FOXN3: variants seen among roughly 807,000 people sequenced by gnomAD.
The protein encoded by FOXN3 is forkhead box N3.
In FOXN3, 7 loss-of-function variants were observed where a neutral mutation model predicts 38.4. The ratio of observed to expected loss-of-function variants is 0.18; its 90% CI spans 0.10 to 0.34. The LOEUF is 0.34. FOXN3 is among the 10% of genes least tolerant of loss of function. FOXN3 has a pLI of 1.00. For synonymous variants in FOXN3, 230 were observed against 242.2 expected, an observed-to-expected ratio of 0.95 and a Z score of 0.47; for missense variants, 456 against 613.4, an observed-to-expected ratio of 0.74 and a Z score of 2.71.
rs1337723322 is a variant in FOXN3 at position 89,347,885 on chromosome 14, C to T, written c.680+2787G>A. 5.3e-5 allele frequency among the ~76,000 whole-genome samples: 8 copies of T among 151,900 alleles called. No homozygotes were observed. The South Asian group carries it at 8.3e-4, about 16-fold the overall frequency. On this transcript the variant is annotated intron_variant, in intron 3 of 5. Coordinates refer to ENST00000557258, the MANE Select transcript of FOXN3 (RefSeq NM_005197.4). ...AGAAGAATCCCTTGAACCCAGGAGG[C>T]GGAGGTTGCAGTGAGCCAAGATTGC...
At chr14:89,505,987 G>A (rs1221122827) in intron 1 of FOXN3, among the ~76,000 whole-genome samples, 4 of 149,364 alleles carry the variant, frequency 2.7e-5, no homozygotes, top group Admixed American at 1.3e-4. Context: ...AGTGAGGAGC[G>A]TCTCCGCCTG....
intron 1 of FOXN3, among the ~76,000 whole-genome samples, chr14:89,603,627 AGAGT>A (rs1388110161): frequency 6.6e-6 from 1 of 152,242 alleles, no homozygotes; most frequent in Non-Finnish European, 1.5e-5. Flanking sequence ...TAGTAATGGC[AGAGT>A]AAGTACCTGT....
At chr14:89,413,676 A>G (rs34049331) in intron 1 of FOXN3, among the ~76,000 whole-genome samples, 15 of 29,748 alleles carry the variant, frequency 5.0e-4, no homozygotes, top group East Asian at 1.2e-3. Flanking sequence ...GGAATGGAAG[A>G]GAAGGGGGAA....
intron 4 of FOXN3, among the ~76,000 whole-genome samples, chr14:89,210,440 T>G (rs1341910871): frequency 1.3e-5 from 2 of 152,214 alleles, no homozygotes; most frequent in African/African-American, 4.8e-5. Context: ...TAAACCTCTT[T>G]TCTTTATAAA....
At chr14:89,173,116 A>G (rs1379334995) in intron 5 of FOXN3, among the ~76,000 whole-genome samples, 1 of 152,240 alleles carries the variant, frequency 6.6e-6, no homozygotes, top group African/African-American at 2.4e-5. Context: ...TGAAGAGAAG[A>G]AAAAAGGGAA....
intron 1 of FOXN3, among the ~76,000 whole-genome samples, chr14:89,506,190 C>A (rs573925952): frequency 0.058 from 975 of 16,848 alleles, 29 homozygotes; most frequent in Non-Finnish European, 0.16. Context: ...CCCGTCCGGG[C>A]GGTGAGGGGC....
Position 89,511,173 on chromosome 14 carries a change from CTT to C in FOXN3, c.-14-98685_-14-98684del, listed in dbSNP as rs1280096783. On this transcript the variant is annotated intron_variant, in intron 1 of 6. Transcript: ENST00000345097. ...TCTTTCTTTCTTTCTTTCTTTCTTTCTTTCTTTCTTTCTTTCTTTTCTTTCTT... is the reference window on the plus strand; with the variant it reads ...TCTTTCTTTCTTTCTTTCTTTCTTTCTCTTTCTTTCTTTCTTTTCTTTCTT... 1.5e-4 allele frequency among the ~76,000 whole-genome samples: 6 copies of C among 40,590 alleles called. 2 individuals carry two copies. Among genetic ancestry groups the C allele is most frequent in the African/African-American group, 4.6e-4 (6 of 13,010 alleles). 26.6% of individuals were successfully genotyped at this position (40,590 alleles called of 152,430 possible). A position where few individuals can be genotyped will look rare whatever the true frequency, so the allele number is the denominator to read the frequency against.
At chr14:89,467,804 GTTTTTTTTTTT>G (rs68132432) in intron 1 of FOXN3, among the ~76,000 whole-genome samples, 3 of 56,580 alleles carry the variant, frequency 5.3e-5, no homozygotes, top group Admixed American at 6.1e-4. Context: ...TTCTTTCTTT[GTTTTTTTTTTT>G]TTTTTTTTTT....
At chr14:89,178,111 G>A (rs904302942) in intron 5 of FOXN3, among the ~76,000 whole-genome samples, 1 of 152,028 alleles carries the variant, frequency 6.6e-6, no homozygotes, top group South Asian at 2.1e-4. Context: ...AGGCTCAAGG[G>A]ATCCTCCCAC....
At chr14:89,419,271 G>T (rs1891842944), upstream of FOXN3, 2 of 445,698 alleles carry the variant, frequency 4.5e-6, no homozygotes, top group Non-Finnish European at 9.0e-6. Flanking sequence ...TCTGAAATGG[G>T]GGAAAAAATG....
intron 1 of FOXN3, among the ~76,000 whole-genome samples, chr14:89,534,858 A>G (rs1188503512): frequency 6.6e-6 from 1 of 152,116 alleles, no homozygotes; most frequent in Non-Finnish European, 1.5e-5. Context: ...CCACTGCTCC[A>G]CTCATCCTGT....
At chr14:89,239,792 T>A (rs1329761344) in intron 4 of FOXN3, among the ~76,000 whole-genome samples, 1 of 152,214 alleles carries the variant, frequency 6.6e-6, no homozygotes, top group Non-Finnish European at 1.5e-5. Flanking sequence ...CTAGCTACTT[T>A]AAATATATGG....
intron 2 of FOXN3, chr14:89,409,404 G>C (rs1006399564): frequency 6.6e-6 from 1 of 151,748 alleles, no homozygotes; most frequent in Non-Finnish European, 1.5e-5. Flanking sequence ...CTCAACACAG[G>C]GCATCCAACA....
At chr14:89,428,675 C>T (rs987649292) in intron 1 of FOXN3, among the ~76,000 whole-genome samples, 2 of 152,198 alleles carry the variant, frequency 1.3e-5, no homozygotes, top group Non-Finnish European at 2.9e-5. Context: ...ATATGGGTCC[C>T]GGAGGGGGTG....
chr14:89,424,575 G>C (rs1039674063), intron 1 of FOXN3, among the ~76,000 whole-genome samples: 3 of 152,046 alleles, frequency 2.0e-5, no homozygotes, highest in African/African-American at 7.2e-5. Flanking sequence ...AAATACTCTT[G>C]AATTAAGAAT....
Position 89,181,012 on chromosome 14 carries a change from A to ACG in FOXN3, c.746-208_746-207dup, listed in dbSNP as rs1275871102. 4.2e-4 allele frequency among the ~76,000 whole-genome samples: 64 copies of ACG among 151,592 alleles called. 1 individual carries two copies. The highest frequency in any genetic ancestry group is 1.5e-3 in the African/African-American group (64 of 41,324). ...CAGACACACACTCACACAGTCATGC[A>ACG]CGCGCACACACACACACATGCAGAC... On this transcript the variant is annotated intron_variant, in intron 4 of 5. Coordinates refer to ENST00000557258, the MANE Select transcript of FOXN3 (RefSeq NM_005197.4).
At chr14:89,207,085 G>A (rs993710647) in intron 4 of FOXN3, among the ~76,000 whole-genome samples, 3 of 152,132 alleles carry the variant, frequency 2.0e-5, no homozygotes, top group African/African-American at 7.2e-5. Context: ...AGAACTCATG[G>A]TAGCAGGCAC....
intron 1 of FOXN3, among the ~76,000 whole-genome samples, chr14:89,579,471 G>C (rs1895702574): frequency 6.6e-6 from 1 of 152,112 alleles, no homozygotes; most frequent in African/African-American, 2.4e-5. Context: ...ATTCTTTTAA[G>C]AATATAAATC....
In FOXN3 at chr14:89,163,241, C is replaced by T. The variant is rs1226958508; in HGVS notation, c.852-272G>A. 2.0e-5 allele frequency among the ~76,000 whole-genome samples: 3 copies of T among 152,278 alleles called. No homozygotes were observed. Among genetic ancestry groups the T allele is most frequent in the East Asian group, 1.9e-4 (1 of 5,188 alleles). ...ACGTCAAAACAACAATCTTCTGAAGCGACAGTGGTGGAGGCTCCATCTCTT... is the reference window on the plus strand; with the variant it reads ...ACGTCAAAACAACAATCTTCTGAAGTGACAGTGGTGGAGGCTCCATCTCTT... On this transcript the variant is annotated intron_variant, in intron 5 of 5. Transcript: ENST00000557258. This position sits in a 1 kb window ranked among gnomAD's most constrained non-coding sequence, Gnocchi z 4.3.
Sources: gnomAD v4.1 joint callset for allele counts (sites outside exome capture counted in the v4.1 genomes callset) on GRCh38, gnomAD v4.1.1 for gene constraint, Gnocchi (gnomAD v3.1) non-coding constraint, MANE v1.5 for transcripts, NCBI Gene and HGNC (gene_info 2026-07-23, HGNC 2026-07-21) for gene names.